The following ATP9B variants were observed in gnomAD, a reference collection of about 807,000 sequenced individuals.
The protein encoded by ATP9B is ATPase phospholipid transporting 9B.
A neutral mutation model predicts 146.1 loss-of-function variants in ATP9B; 110 were observed. The observed-to-expected ratio is 0.75, with a 90% CI of 0.65 to 0.88. ATP9B has a LOEUF of 0.88. ATP9B is among the 40% of genes least tolerant of loss of function. The pLI is 0.00. For synonymous variants in ATP9B, 604 were observed against 569.7 expected (o/e 1.06, Z -0.86); for missense variants, 1,499 against 1,496.4 (o/e 1.00, Z -0.03).
rs2096781795 is a variant in ATP9B at position 79,330,039 on chromosome 18, T to C, written c.1963T>C (p.Tyr655His). Reference protein sequence around the residue: ...RDESTAEITFYMKGADVAMSP... With the variant: ...RDESTAEITFHMKGADVAMSP... ...TGAATCCACGGCAGAAATCACATTCTACATGAAGGGCGCTGACGTGGCCAT... is the reference window on the plus strand; with the variant it reads ...TGAATCCACGGCAGAAATCACATTCCACATGAAGGGCGCTGACGTGGCCAT... Residue 655 changes from tyrosine (Y) to histidine (H), a missense_variant, in exon 17 of 30, where the codon TAC becomes CAC. By Grantham distance (83) the Tyr-to-His change is moderately conservative. Coordinates refer to ENST00000426216, the MANE Select transcript of ATP9B (RefSeq NM_198531.5). 6.2e-7 allele frequency: 1 copy of C among 1,614,048 alleles called. No homozygotes were observed. Among genetic ancestry groups the C allele is most frequent in the Non-Finnish European group, 8.5e-7 (1 of 1,179,996 alleles).
intron 6 of ATP9B, among the ~76,000 whole-genome samples, chr18:79,148,592 A>C (rs79926106): frequency 0.043 from 6,474 of 152,244 alleles, 458 homozygotes; most frequent in African/African-American, 0.15. Context: ...GACAGTAACA[A>C]TATCTTGTTT....
intron 25 of ATP9B, among the ~76,000 whole-genome samples, chr18:79,357,370 C>T (rs151219142): frequency 0.15 from 615 of 4,064 alleles, 12 homozygotes; most frequent in East Asian, 0.35. Flanking sequence ...TGGAGGTGTC[C>T]GTGTGAGGGA....
intron 25 of ATP9B, among the ~76,000 whole-genome samples, chr18:79,355,129 C>T (rs956347195): frequency 2.0e-5 from 3 of 152,264 alleles, no homozygotes; most frequent in Non-Finnish European, 4.4e-5. Flanking sequence ...TTAACCCCTG[C>T]CCCTGCACAG....
At chr18:79,323,839 T>TTA (rs1308079451) in intron 15 of ATP9B, among the ~76,000 whole-genome samples, 1 of 152,128 alleles carries the variant, frequency 6.6e-6, no homozygotes, top group Non-Finnish European at 1.5e-5. Flanking sequence ...GGATTGTGGA[T>TTA]TATATGGTGG....
At chr18:79,200,764 T>TCGGGGTCAGAGCAGAGG (rs1568388923) in intron 9 of ATP9B, among the ~76,000 whole-genome samples, 11 of 3,872 alleles carry the variant, frequency 2.8e-3, no homozygotes, top group South Asian at 6.8e-3. Context: ...GGTGGGAACG[T>TCGGGGTCAGAGCAGAGG]TGGGGTCAGA....
At chr18:79,365,834 C>A (rs1385718053) in intron 26 of ATP9B, among the ~76,000 whole-genome samples, 6 of 151,682 alleles carry the variant, frequency 4.0e-5, no homozygotes, top group Non-Finnish European at 8.8e-5. Context: ...GGAAGGACAT[C>A]TCCGTGGACG....
chr18:79,252,124 A>G (rs1599296614), intron 11 of ATP9B, among the ~76,000 whole-genome samples: 1 of 152,374 alleles, frequency 6.6e-6, no homozygotes, highest in East Asian at 1.9e-4. Flanking sequence ...TTTAGTAAAC[A>G]GAGGAAGTGG....
chr18:79,187,624 G>T (rs955587701), intron 8 of ATP9B, among the ~76,000 whole-genome samples: 1 of 152,178 alleles, frequency 6.6e-6, no homozygotes, highest in South Asian at 2.1e-4. Context: ...CCCGTTGAGT[G>T]TCTGATTCCC....
intron 6 of ATP9B, among the ~76,000 whole-genome samples, chr18:79,147,803 G>A (rs1204315703): frequency 6.6e-6 from 1 of 151,792 alleles, no homozygotes; most frequent in Admixed American, 6.6e-5. Flanking sequence ...CAAGCAGAAG[G>A]AAGGGAATAA....
chr18:79,253,258 A>G (rs2096047783), intron 11 of ATP9B, 123 bp from the exon 12 acceptor site: 3 of 815,750 alleles, frequency 3.7e-6, no homozygotes, highest in Non-Finnish European at 5.6e-6. Context: ...TTTCATTATA[A>G]TAAAGGCTAA....
chr18:79,319,120 T>C (rs1166107598), intron 15 of ATP9B, among the ~76,000 whole-genome samples: 1 of 152,198 alleles, frequency 6.6e-6, no homozygotes, highest in Non-Finnish European at 1.5e-5. Flanking sequence ...TTGGATGTTC[T>C]GGGACCTGCA....
intron 9 of ATP9B, among the ~76,000 whole-genome samples, chr18:79,198,878 C>T (rs1052118266): frequency 2.6e-5 from 4 of 152,160 alleles, no homozygotes; most frequent in African/African-American, 9.7e-5. Context: ...ACTTTTTAAA[C>T]ACTGTACATG....
chr18:79,317,130 A>C (rs1398584984), intron 15 of ATP9B, among the ~76,000 whole-genome samples: 1 of 152,230 alleles, frequency 6.6e-6, no homozygotes, highest in African/African-American at 2.4e-5. Context: ...GCTTTTGACC[A>C]GTTTTATAGG....
chr18:79,126,434 TTAACA>T (rs796709911), intron 5 of ATP9B, 59 bp downstream of exon 5: 47 of 1,156,056 alleles, frequency 4.1e-5, no homozygotes, highest in Middle Eastern at 2.0e-4. Context: ...CATTTTAGAG[TTAACA>T]TAACAAATGT....
At chr18:79,369,481 C>T (rs1600457198) in intron 26 of ATP9B, among the ~76,000 whole-genome samples, 2 of 138,940 alleles carry the variant, frequency 1.4e-5, no homozygotes, top group Non-Finnish European at 3.0e-5. Context: ...TGCAGTGAGC[C>T]AAGGTCGCAC....
chr18:79,190,155 G>A (rs1347048085), intron 8 of ATP9B, among the ~76,000 whole-genome samples: 3 of 152,094 alleles, frequency 2.0e-5, no homozygotes, highest in Non-Finnish European at 2.9e-5. Context: ...CAAGTCACTC[G>A]GCTGCAGATG....
chr18:79,104,201 A>T (rs1425073813), intron 2 of ATP9B, among the ~76,000 whole-genome samples: 2 of 152,214 alleles, frequency 1.3e-5, no homozygotes, highest in Non-Finnish European at 1.5e-5. Context: ...CTAGAGGTAC[A>T]TCACCATGGA....
At chr18:79,339,473 G>A (rs2096846242) in intron 19 of ATP9B, among the ~76,000 whole-genome samples, 1 of 151,974 alleles carries the variant, frequency 6.6e-6, no homozygotes, top group African/African-American at 2.4e-5. Context: ...ACAGTAGGAA[G>A]TGTGTCATGA....
intron 12 of ATP9B, among the ~76,000 whole-genome samples, chr18:79,274,484 T>G (rs1419809718): frequency 2.6e-5 from 4 of 152,206 alleles, no homozygotes; most frequent in Non-Finnish European, 5.9e-5. Flanking sequence ...TGTGGTAGTA[T>G]ATGTGCCCTA....
Sources: allele counts gnomAD v4.1 joint callset (sites outside exome capture counted in the v4.1 genomes callset), GRCh38; gene constraint gnomAD v4.1.1; transcripts MANE v1.5; gene names NCBI Gene and HGNC (gene_info 2026-07-23, HGNC 2026-07-21).